FSD1L: variants seen among roughly 807,000 people sequenced by gnomAD.
FSD1L encodes fibronectin type III and SPRY domain containing 1 like.
Under a neutral mutation model 71.6 loss-of-function variants are expected in FSD1L, and 45 were observed. The observed-to-expected ratio is 0.63, with a 90% CI of 0.49 to 0.81. The LOEUF is 0.81. FSD1L is among the 30% of genes least tolerant of loss of function. The pLI, the probability that FSD1L is intolerant of heterozygous loss-of-function variation, is 0.00. For missense variants in FSD1L, 561 were observed against 618.1 expected (o/e 0.91, Z 0.98); for synonymous variants, 197 against 207.2 (o/e 0.95, Z 0.42).
At chr9:105,465,749 T>G (rs1165110318) in intron 3 of FSD1L, among the ~76,000 whole-genome samples, 1 of 152,228 alleles carries the variant, frequency 6.6e-6, no homozygotes, top group Non-Finnish European at 1.5e-5. Context: ...GTAGAAGGAA[T>G]GTACCACAAC....
At chr9:105,492,331 C>T (rs747228479) in intron 7 of FSD1L, among the ~76,000 whole-genome samples, 2 of 151,996 alleles carry the variant, frequency 1.3e-5, no homozygotes, top group African/African-American at 2.4e-5. Context: ...ATTTCTGTGG[C>T]ATCAGTGGTG....
intron 10 of FSD1L, chr9:105,522,256 C>T: frequency 1.2e-6 from 2 of 1,612,772 alleles, no homozygotes; most frequent in South Asian, 1.1e-5. Flanking sequence ...ACTATGGAGA[C>T]ATTAACTAAA....
intron 2 of FSD1L, among the ~76,000 whole-genome samples, chr9:105,462,930 G>A (rs1830809942): frequency 6.7e-6 from 1 of 149,428 alleles, no homozygotes; most frequent in Non-Finnish European, 1.5e-5. Context: ...CTGAGGTCAA[G>A]AGTTTGAGAC....
At chr9:105,499,768 A>G (rs1185020440) in intron 7 of FSD1L, among the ~76,000 whole-genome samples, 1 of 150,622 alleles carries the variant, frequency 6.6e-6, no homozygotes, top group African/African-American at 2.4e-5. Flanking sequence ...TTTCAAATAT[A>G]TCTTCTGTTC....
intron 6 of FSD1L, among the ~76,000 whole-genome samples, chr9:105,481,188 T>TC (rs1832171651): frequency 7.2e-6 from 1 of 139,756 alleles, no homozygotes; most frequent in Non-Finnish European, 1.6e-5. Context: ...TGGTTCTTTT[T>TC]TTTTTTTTTT....
At chr9:105,460,880 G>A (rs918549114) in intron 1 of FSD1L, among the ~76,000 whole-genome samples, 4 of 152,108 alleles carry the variant, frequency 2.6e-5, no homozygotes, top group Non-Finnish European at 5.9e-5. Context: ...TTATGGTATT[G>A]GACCCCGAAG....
chr9:105,526,452 C>A, intron 10 of FSD1L: 2 of 1,612,802 alleles, frequency 1.2e-6, no homozygotes, highest in South Asian at 1.1e-5. Flanking sequence ...GACCTGGCCT[C>A]TCCAATGTCT....
At chr9:105,445,767 G>C (rs183140820), upstream of FSD1L, among the ~76,000 whole-genome samples, 51 of 152,318 alleles carry the variant, frequency 3.3e-4, no homozygotes, top group East Asian at 9.8e-3. Flanking sequence ...GGCTGCAGCA[G>C]TGGGCTAATG....
intron 8 of FSD1L, among the ~76,000 whole-genome samples, chr9:105,506,969 C>T (rs1834092139): frequency 6.6e-6 from 1 of 151,986 alleles, no homozygotes. Context: ...GACAGGGTTT[C>T]ACTATGTTGA....
At chr9:105,451,955 G>A (rs1331997711) in intron 1 of FSD1L, among the ~76,000 whole-genome samples, 1 of 152,108 alleles carries the variant, frequency 6.6e-6, no homozygotes. Context: ...AGAGCTCAGA[G>A]GAAGGAAGTC....
chr9:105,484,737 G>A (rs1049569170), intron 7 of FSD1L, among the ~76,000 whole-genome samples: 8 of 151,998 alleles, frequency 5.3e-5, no homozygotes, highest in Non-Finnish European at 7.4e-5. Flanking sequence ...GCTTGGCAGA[G>A]GGAAGCAGTA....
rs901569751 is a variant in FSD1L, at chr9:105,548,865, G to A, written c.*2382G>A. 2.6e-5 allele frequency: 4 copies of A among 151,896 alleles called. No homozygotes were observed. The highest frequency in any genetic ancestry group is 9.7e-5 in the African/African-American group (4 of 41,306). The allele number at this position is 151,896 out of a possible 1,614,324, so 9.4% of individuals were successfully genotyped here. A position where few individuals can be genotyped will look rare whatever the true frequency, so the allele number is the denominator to read the frequency against. On this transcript the variant is annotated 3_prime_UTR_variant, in exon 14 of 14. Transcript: ENST00000481272. ...GGTCTCTAAAATTAAAGAACAAGAT[G>A]TGGTTTTTTGTTTAAGACGTTTTTA...
chr9:105,525,662 G>A lies in FSD1L; in HGVS notation c.1026-8831G>A, dbSNP rs531685813. ...AGGAACTTGGATTCAAGGCAGTGCC[G>A]AGAGACACACAAGATTGCAGTATTT... On this transcript the variant is annotated intron_variant, in intron 10 of 13. Coordinates refer to ENST00000481272, the MANE Select transcript of FSD1L (RefSeq NM_001145313.3). 685 of 1,610,250 alleles carry A rather than the reference G, an allele frequency of 4.3e-4. 2 individuals are homozygous for A. The African/African-American group carries it at 7.2e-3, about 17-fold the overall frequency.
chr9:105,501,503 A>G (rs1833757419), intron 7 of FSD1L, among the ~76,000 whole-genome samples: 1 of 152,088 alleles, frequency 6.6e-6, no homozygotes, highest in African/African-American at 2.4e-5. Context: ...AGTTCACTGT[A>G]GCCTCTAACT....
At chr9:105,476,688 G>A (rs1015072792) in intron 5 of FSD1L, among the ~76,000 whole-genome samples, 12 of 152,030 alleles carry the variant, frequency 7.9e-5, no homozygotes, top group East Asian at 1.9e-4. Flanking sequence ...AAAAGTCACC[G>A]TTCTTGAAAT....
At chr9:105,518,611 A>G (rs1028797211) in intron 10 of FSD1L, among the ~76,000 whole-genome samples, 1 of 152,218 alleles carries the variant, frequency 6.6e-6, no homozygotes, top group Non-Finnish European at 1.5e-5. Flanking sequence ...CTTTGAAACC[A>G]ATGAGAACAA....
At chr9:105,526,213 T>C (rs1564141044) in intron 10 of FSD1L, 2 of 1,597,502 alleles carry the variant, frequency 1.3e-6, no homozygotes, top group Admixed American at 1.7e-5. Context: ...TCTGATTCCA[T>C]TGTATCAAAA....
Position 105,505,166 on chromosome 9 carries a change from C to G in FSD1L, c.587-1233C>G, listed in dbSNP as rs561988179. ...GAATAATTTCACTGCCCTAAAGTTC[C>G]TTTCTGTTCCGCTTATTCATCTCTT... On this transcript the variant is annotated intron_variant, in intron 7 of 13. Transcript: ENST00000481272. Among the ~76,000 whole-genome samples the G allele has an allele frequency of 3.3e-5, 5 of 152,288 alleles. No homozygotes were observed. The East Asian group carries it at 5.8e-4, about 18-fold the overall frequency.
chr9:105,468,373 C>T, intron 4 of FSD1L, 49 bp downstream of exon 4: 1 of 1,392,030 alleles, frequency 7.2e-7, no homozygotes, highest in South Asian at 1.5e-5. Context: ...TCTATTTAAT[C>T]CTTGATTTAT....
Sources: allele counts gnomAD v4.1 joint callset (sites outside exome capture counted in the v4.1 genomes callset), GRCh38; gene constraint gnomAD v4.1.1; transcripts MANE v1.5; gene names NCBI Gene and HGNC (gene_info 2026-07-23, HGNC 2026-07-21).